The following BCAT1 variants were observed in gnomAD, a reference collection of about 807,000 sequenced individuals.
The protein encoded by BCAT1 is branched-chain-amino-acid aminotransferase, cytosolic.
In BCAT1, 48 loss-of-function variants were observed where a neutral mutation model predicts 52.4. The ratio of observed to expected loss-of-function variants is 0.92; its 90% CI spans 0.73 to 1.16. BCAT1 has a LOEUF of 1.16. Ranked by LOEUF, BCAT1 falls within the 50% of genes most tolerant of loss-of-function variation. The pLI, the probability that BCAT1 is intolerant of heterozygous loss-of-function variation, is 0.00. For synonymous variants in BCAT1, 167 were observed against 161.3 expected, an observed-to-expected ratio of 1.04 and a Z score of -0.27; for missense variants, 451 against 457.1, an observed-to-expected ratio of 0.99 and a Z score of 0.12.
At chr12:24,845,636 T>C (rs1264964937) in intron 6 of BCAT1, among the ~76,000 whole-genome samples, 1 of 152,254 alleles carries the variant, frequency 6.6e-6, no homozygotes, top group Non-Finnish European at 1.5e-5. Flanking sequence ...TTTAATTATC[T>C]GGCAGATAAA....
chr12:24,832,568 G>A (rs539911276), intron 9 of BCAT1, among the ~76,000 whole-genome samples, 155 bp downstream of exon 9: 6 of 152,228 alleles, frequency 3.9e-5, no homozygotes, highest in African/African-American at 7.2e-5. Context: ...GCAACACAGC[G>A]AGACTCCATC....
chr12:24,924,998 T>C (rs780544704), intron 1 of BCAT1, among the ~76,000 whole-genome samples: 23 of 152,228 alleles, frequency 1.5e-4, no homozygotes, highest in Non-Finnish European at 2.8e-4. Context: ...TTTGAAACAG[T>C]AGTTCTTTCA....
At chr12:24,864,679 C>T (rs886519895) in intron 5 of BCAT1, among the ~76,000 whole-genome samples, 4 of 152,196 alleles carry the variant, frequency 2.6e-5, no homozygotes, top group African/African-American at 9.7e-5. Flanking sequence ...CTCCCTTTAG[C>T]ATCTATCCCA....
intron 1 of BCAT1, among the ~76,000 whole-genome samples, chr12:24,921,977 GCACACATA>G (rs543061373): frequency 3.0e-4 from 46 of 152,206 alleles, no homozygotes; most frequent in African/African-American, 1.0e-3. Context: ...GCACACATGT[GCACACATA>G]CACACATACA....
chr12:24,871,847 A>T (rs1009661460), intron 5 of BCAT1, among the ~76,000 whole-genome samples: 1 of 152,224 alleles, frequency 6.6e-6, no homozygotes, highest in Non-Finnish European at 1.5e-5. Context: ...AATAGACTGT[A>T]TCTCTAAAAA....
Position 24,842,218 on chromosome 12 carries a change from G to A in BCAT1, c.681C>T (p.Tyr227=), listed in dbSNP as rs775600749. ...CACATTGGGCAAAAAGAGATGAGCC[G>A]TAATTCCTTTAAGAAAGAGAAAATA... ...GTGDCKMGGN[Y]GSSLFAQCEA... Residue 227 remains tyrosine, a synonymous_variant, in exon 7 of 11, where the codon TAC becomes TAT. Coordinates refer to ENST00000261192, the MANE Select transcript of BCAT1 (RefSeq NM_005504.7). The A allele has an allele frequency of 1.7e-5, 28 of 1,613,648 alleles. 1 individual carries two copies. Among genetic ancestry groups the A allele is most frequent in the Middle Eastern group, 1.6e-4 (1 of 6,084 alleles).
At chr12:24,891,107 G>A (rs1371434633) in intron 3 of BCAT1, among the ~76,000 whole-genome samples, 4 of 152,156 alleles carry the variant, frequency 2.6e-5, no homozygotes, top group Admixed American at 1.3e-4. Flanking sequence ...AGGCTAGGGC[G>A]TAAACAGCAA....
intron 6 of BCAT1, among the ~76,000 whole-genome samples, chr12:24,844,621 A>G (rs1365107697): frequency 6.7e-6 from 1 of 149,590 alleles, no homozygotes; most frequent in East Asian, 2.0e-4. Flanking sequence ...TAAAAGGGCC[A>G]GGCGCGGTGG....
chr12:24,887,978 T>C (rs1214696376), intron 3 of BCAT1, among the ~76,000 whole-genome samples: 2 of 152,178 alleles, frequency 1.3e-5, no homozygotes, highest in Non-Finnish European at 2.9e-5. Context: ...GAGAAACATG[T>C]TCAAGGATAT....
At chr12:24,928,929 T>C (rs36036274) in intron 1 of BCAT1, among the ~76,000 whole-genome samples, 12,031 of 152,026 alleles carry the variant, frequency 0.079, 630 homozygotes, top group Non-Finnish European at 0.12. Context: ...TATTTTATTG[T>C]ATTGTATTTT....
chr12:24,931,475 G>C (rs924484650), intron 1 of BCAT1, among the ~76,000 whole-genome samples: 3 of 151,982 alleles, frequency 2.0e-5, no homozygotes, highest in African/African-American at 7.2e-5. Context: ...AATGACTAAG[G>C]ACCCATGTTA....
At chr12:24,877,205 C>A (rs899763994) in intron 5 of BCAT1, among the ~76,000 whole-genome samples, 1 of 152,158 alleles carries the variant, frequency 6.6e-6, no homozygotes, top group Non-Finnish European at 1.5e-5. Context: ...CTGGTAACCC[C>A]GCAACACTTA....
intron 10 of BCAT1, among the ~76,000 whole-genome samples, chr12:24,824,271 C>CTTT (rs879457382): frequency 6.9e-6 from 1 of 143,892 alleles, no homozygotes; most frequent in Non-Finnish European, 1.5e-5. Flanking sequence ...TCCTTCATTC[C>CTTT]CTCCCTCCCT....
chr12:24,883,613 A>T (rs1194587962), intron 3 of BCAT1, among the ~76,000 whole-genome samples: 1 of 152,222 alleles, frequency 6.6e-6, no homozygotes, highest in African/African-American at 2.4e-5. Context: ...AAATTAAATT[A>T]AAATTAAAAT....
At chr12:24,844,894 C>CAAAAAAAAAAAAAAAAAAAAAAAAAAAAA (rs11318750) in intron 6 of BCAT1, among the ~76,000 whole-genome samples, 1 of 36,002 alleles carries the variant, frequency 2.8e-5, no homozygotes, top group Non-Finnish European at 5.1e-5. Context: ...GAGACTGTCT[C>CAAAAAAAAAAAAAAAAAAAAAAAAAAAAA]AAAAAAAAAA....
At chr12:24,829,968 A>G (rs982522070) in intron 9 of BCAT1, 71 bp from the exon 10 acceptor site, 1 of 1,191,216 alleles carries the variant, frequency 8.4e-7, no homozygotes, top group Non-Finnish European at 1.2e-6. Flanking sequence ...AAGACACTCA[A>G]GCAATTCTGC....
At chr12:24,915,498 C>T (rs1943393585) in intron 1 of BCAT1, among the ~76,000 whole-genome samples, 1 of 152,090 alleles carries the variant, frequency 6.6e-6, no homozygotes, top group Admixed American at 6.5e-5. Flanking sequence ...ACAATAAAGA[C>T]ACCTCTCTAG....
chr12:24,949,172 C>T (rs1338344893), upstream of BCAT1: 1 of 542,536 alleles, frequency 1.8e-6, no homozygotes, highest in Non-Finnish European at 3.3e-6. Context: ...TAAGGCTGCT[C>T]CCCCAGGCCG....
intron 1 of BCAT1, among the ~76,000 whole-genome samples, chr12:24,934,875 C>T (rs189875727): frequency 6.6e-6 from 1 of 152,298 alleles, no homozygotes; most frequent in East Asian, 1.9e-4. Flanking sequence ...GTACCACTTG[C>T]CACATCTCAG....
Sources: allele counts gnomAD v4.1 joint callset (sites outside exome capture counted in the v4.1 genomes callset), GRCh38; gene constraint gnomAD v4.1.1; transcripts MANE v1.5; gene names NCBI Gene and HGNC (gene_info 2026-07-23, HGNC 2026-07-21).